The following POFUT1 variants were observed in gnomAD, a reference collection of about 807,000 sequenced individuals.
The protein encoded by POFUT1 is protein O-fucosyltransferase 1, also known as GDP-fucose protein O-fucosyltransferase 1.
POFUT1 carries 16 observed loss-of-function variants against 42.4 expected under a neutral mutation model. That is an observed-to-expected ratio of 0.38 (90% CI 0.26 to 0.57). The LOEUF is 0.57. Ranked by LOEUF, POFUT1 falls within the 20% of genes least tolerant of loss-of-function variation. The pLI, the probability that POFUT1 is intolerant of heterozygous loss-of-function variation, is 0.71. For missense variants in POFUT1, 470 were observed against 504.6 expected, an observed-to-expected ratio of 0.93 and a Z score of 0.66; for synonymous variants, 206 against 205.4, an observed-to-expected ratio of 1.00 and a Z score of -0.03.
At chr20:32,222,879 G>A in intron 4 of POFUT1, 2 of 985,404 alleles carry the variant, frequency 2.0e-6, no homozygotes, top group Non-Finnish European at 2.4e-6. Context: ...CATTCTCCCA[G>A]GCTGCCACCT....
chr20:32,233,004 C>T (rs570571183), intron 6 of POFUT1, among the ~76,000 whole-genome samples: 26 of 152,332 alleles, frequency 1.7e-4, no homozygotes, highest in African/African-American at 6.0e-4. Flanking sequence ...ATAACGTGGG[C>T]CACAAGGTGG....
intron 5 of POFUT1, among the ~76,000 whole-genome samples, chr20:32,230,170 G>A (rs1011365124): frequency 4.6e-5 from 7 of 151,706 alleles, no homozygotes; most frequent in Admixed American, 2.0e-4. Flanking sequence ...GGCGGATCAC[G>A]AGGTCAGGAG....
chr20:32,219,708 A>G (rs2047381385), intron 4 of POFUT1, among the ~76,000 whole-genome samples: 1 of 151,850 alleles, frequency 6.6e-6, no homozygotes. Flanking sequence ...CGTGTTAGCC[A>G]GGATGGTCTC....
At chr20:32,223,242 C>T (rs1220166852) in intron 4 of POFUT1, 1 of 985,332 alleles carries the variant, frequency 1.0e-6, no homozygotes, top group African/African-American at 1.7e-5. Context: ...TGAGCAGTCA[C>T]CGGGAGGTGG....
intron 6 of POFUT1, among the ~76,000 whole-genome samples, chr20:32,232,510 A>G (rs781054773): frequency 1.3e-5 from 2 of 152,170 alleles, no homozygotes; most frequent in East Asian, 1.9e-4. Context: ...TAAGTTTCAG[A>G]ATGTGAGTGG....
chr20:32,208,989 C>G (rs1363869594), intron 1 of POFUT1, among the ~76,000 whole-genome samples: 2 of 151,934 alleles, frequency 1.3e-5, no homozygotes, highest in Non-Finnish European at 2.9e-5. Flanking sequence ...GGTGGATCAT[C>G]ATTGTGGAAG....
chr20:32,217,524 A>G, intron 4 of POFUT1: 1 of 986,380 alleles, frequency 1.0e-6, no homozygotes. Flanking sequence ...AGGTGGGTGG[A>G]TCACTTGAGC....
intron 2 of POFUT1, among the ~76,000 whole-genome samples, chr20:32,213,013 G>A (rs2047338211): frequency 6.6e-6 from 1 of 151,878 alleles, no homozygotes; most frequent in South Asian, 2.1e-4. Context: ...GATCTCCCAA[G>A]TAGCTGGGAT....
chr20:32,234,170 AAG>A (rs2047457173), intron 6 of POFUT1, among the ~76,000 whole-genome samples: 1 of 152,206 alleles, frequency 6.6e-6, no homozygotes, highest in Non-Finnish European at 1.5e-5. Flanking sequence ...AATAAAATAA[AAG>A]AGTCTGGTCG....
chr20:32,231,213 C>T (rs2047442056), intron 6 of POFUT1, 152 bp downstream of exon 6: 1 of 774,048 alleles, frequency 1.3e-6, no homozygotes, highest in African/African-American at 1.7e-5. Flanking sequence ...CTTCAAACCC[C>T]AGCTCAGAGG....
At chr20:32,219,455 C>G (rs1332204069) in intron 4 of POFUT1, among the ~76,000 whole-genome samples, 2 of 151,382 alleles carry the variant, frequency 1.3e-5, no homozygotes, top group Non-Finnish European at 2.9e-5. Context: ...GGATGTTGCT[C>G]TTATCTGTTG....
chr20:32,215,701 G>A (rs184574711), intron 3 of POFUT1, among the ~76,000 whole-genome samples: 54 of 152,342 alleles, frequency 3.5e-4, no homozygotes, highest in African/African-American at 1.2e-3. Flanking sequence ...CTCCTAAAGT[G>A]TCATGAGGGC....
intron 4 of POFUT1, among the ~76,000 whole-genome samples, chr20:32,222,231 A>T (rs1023759052): frequency 2.0e-5 from 3 of 152,188 alleles, no homozygotes; most frequent in African/African-American, 7.2e-5. Context: ...TGAACCTGGG[A>T]GGCGGAGGTT....
At position 32,216,692 on chromosome 20, in the gene POFUT1, T is replaced by C; in HGVS notation, c.513T>C (p.Ser171=). The C allele has an allele frequency of 1.2e-6, 2 of 1,613,080 alleles. No homozygotes were observed. The highest frequency in any genetic ancestry group is 1.7e-5 in the Admixed American group (1 of 60,026). Residue 171 remains serine, a synonymous_variant, in exon 4 of 7, where the codon AGT becomes AGC. Transcript: ENST00000375749. Reference sequence around the variant, plus strand: ...AGCTTTTTACAGGCATTTCCTTCAGTGCTTCCTACAGAGAACAATGGAGCC... The same window carrying C: ...AGCTTTTTACAGGCATTTCCTTCAGCGCTTCCTACAGAGAACAATGGAGCC... The part of the protein sequence containing the change: ...KSELFTGISF[S]ASYREQWSQR...
At chr20:32,214,317 G>A (rs1336173886) in intron 2 of POFUT1, among the ~76,000 whole-genome samples, 2 of 151,986 alleles carry the variant, frequency 1.3e-5, no homozygotes, top group African/African-American at 4.8e-5. Context: ...TAGAGACAGG[G>A]TCTCGCTATG....
At chr20:32,223,386 ATGT>A in intron 4 of POFUT1, 2 of 985,292 alleles carry the variant, frequency 2.0e-6, no homozygotes, top group African/African-American at 1.7e-5. Flanking sequence ...GTCTGAGCTG[ATGT>A]TGTCCCACTG....
Position 32,223,699 on chromosome 20 carries a change from G to T in POFUT1, c.543-4564G>T, listed in dbSNP as rs1378468417. The T allele has an allele frequency of 6.1e-6, 6 of 985,018 alleles. No homozygotes were observed. The African/African-American group carries it at 8.7e-5, about 14-fold the overall frequency. 61.0% of individuals were successfully genotyped at this position (985,018 alleles called of 1,614,324 possible). On this transcript the variant is annotated intron_variant, in intron 4 of 6. Coordinates refer to ENST00000375749, the MANE Select transcript of POFUT1 (RefSeq NM_015352.2). ...AGCCTGATCGGGTCTTTCTGGTGAG[G>T]TCCCCAAATCTTTCTCATTTATTCT...
intron 4 of POFUT1, 152 bp downstream of exon 4, chr20:32,216,873 G>T: frequency 1.3e-6 from 2 of 1,498,714 alleles, no homozygotes; most frequent in Non-Finnish European, 1.8e-6. Flanking sequence ...AATCCTGTGT[G>T]ATCTGTTCCC....
chr20:32,231,111 G>T (rs2122601738), intron 6 of POFUT1, 50 bp downstream of exon 6: 2 of 1,607,896 alleles, frequency 1.2e-6, no homozygotes, highest in East Asian at 2.2e-5. Context: ...GAAAGGAGGA[G>T]CCAGGATGGT....
Sources: allele counts gnomAD v4.1 joint callset (sites outside exome capture counted in the v4.1 genomes callset), GRCh38; gene constraint gnomAD v4.1.1; transcripts MANE v1.5; gene names NCBI Gene and HGNC (gene_info 2026-07-23, HGNC 2026-07-21).